The following FAT3 variants were observed in gnomAD, a reference collection of about 807,000 sequenced individuals.
The protein encoded by FAT3 is protocadherin Fat 3.
FAT3 carries 95 observed loss-of-function variants against 310.2 expected under a neutral mutation model. The ratio of observed to expected loss-of-function variants is 0.31; its 90% CI spans 0.26 to 0.36. The LOEUF (loss-of-function observed/expected upper bound fraction) is 0.36. Ranked by LOEUF, FAT3 falls within the 10% of genes least tolerant of loss-of-function variation. The pLI is 1.00. For synonymous variants in FAT3, 2,314 were observed against 2,192.9 expected (o/e 1.06, Z -1.54); for missense variants, 5,408 against 5,715.6 (o/e 0.95, Z 1.74).
chr11:92,646,784 A>G (rs1323963455), intron 3 of FAT3, among the ~76,000 whole-genome samples: 1 of 152,218 alleles, frequency 6.6e-6, no homozygotes, highest in Non-Finnish European at 1.5e-5. Context: ...ATGTGCACCC[A>G]GAGTTGTCAA....
chr11:92,379,264 ATATT>A (rs2134754028), intron 2 of FAT3, among the ~76,000 whole-genome samples: 1 of 152,298 alleles, frequency 6.6e-6, no homozygotes, highest in Admixed American at 6.5e-5. Flanking sequence ...AGATTCTTAT[ATATT>A]TATTTCACTT....
intron 3 of FAT3, among the ~76,000 whole-genome samples, chr11:92,565,771 A>C (rs1269485550): frequency 1.3e-5 from 2 of 152,172 alleles, no homozygotes; most frequent in Non-Finnish European, 2.9e-5. Context: ...ATATAAACAG[A>C]GCCAAAGACA....
At chr11:92,661,705 C>A (rs1015327291) in intron 3 of FAT3, among the ~76,000 whole-genome samples, 9 of 152,026 alleles carry the variant, frequency 5.9e-5, no homozygotes, top group Non-Finnish European at 1.2e-4. Flanking sequence ...GGAAAAAACT[C>A]ATTTCTCTTT....
At chr11:92,805,013 A>C in intron 10 of FAT3, 140 bp from the exon 11 acceptor site, 1 of 703,978 alleles carries the variant, frequency 1.4e-6, no homozygotes, top group Non-Finnish European at 2.1e-6. Context: ...AATCAAAGGG[A>C]GTCTCAGTAT....
intron 4 of FAT3, among the ~76,000 whole-genome samples, chr11:92,740,601 G>A (rs551527775): frequency 1.1e-4 from 17 of 152,286 alleles, no homozygotes; most frequent in African/African-American, 3.9e-4. Flanking sequence ...ATTCTTTTAG[G>A]AGAGTATTAT....
intron 4 of FAT3, among the ~76,000 whole-genome samples, chr11:92,706,023 G>T (rs1944334940): frequency 6.6e-6 from 1 of 151,472 alleles, no homozygotes; most frequent in Non-Finnish European, 1.5e-5. Context: ...TGACAGTTGT[G>T]ACTATAGTGG....
intron 1 of FAT3, among the ~76,000 whole-genome samples, chr11:92,230,484 G>C (rs1864129166): frequency 6.6e-6 from 1 of 151,992 alleles, no homozygotes; most frequent in Admixed American, 6.6e-5. Flanking sequence ...AGTAGACAGG[G>C]TGTTTCACCA....
intron 2 of FAT3, among the ~76,000 whole-genome samples, chr11:92,478,655 C>T (rs1293341563): frequency 6.6e-6 from 1 of 151,938 alleles, no homozygotes; most frequent in Admixed American, 6.6e-5. Flanking sequence ...CTCGCTCTGT[C>T]CCCGAGGCTA....
chr11:92,330,033 T>C (rs2134531242), intron 1 of FAT3, among the ~76,000 whole-genome samples: 1 of 152,202 alleles, frequency 6.6e-6, no homozygotes, highest in Admixed American at 6.5e-5. Flanking sequence ...AAGTGAAGGT[T>C]GCAACACTTA....
At chr11:92,889,415 A>T (rs1405946919) in intron 26 of FAT3, among the ~76,000 whole-genome samples, 167 bp downstream of exon 26, 1 of 144,972 alleles carries the variant, frequency 6.9e-6, no homozygotes, top group Non-Finnish European at 1.5e-5. Context: ...AAAAAAAAAA[A>T]CCCAGTTCAT....
At chr11:92,492,730 GC>G (rs1218825137) in intron 2 of FAT3, among the ~76,000 whole-genome samples, 4 of 152,002 alleles carry the variant, frequency 2.6e-5, no homozygotes, top group Non-Finnish European at 4.4e-5. Flanking sequence ...GCAACAGAAA[GC>G]CTGAGCTTTG....
In FAT3 at chr11:92,328,103, A is replaced by T. The variant is rs764859066; in HGVS notation, c.-17-23993A>T. 5.3e-5 allele frequency among the ~76,000 whole-genome samples: 8 copies of T among 151,952 alleles called. No homozygotes were observed. The South Asian group carries it at 8.3e-4, about 16-fold the overall frequency. ...CTGCTCATCCATTTAGGATTTGAGT[A>T]TCTCTCTCATTCCTTTTTCTTCTCA... On this transcript the variant is annotated intron_variant, in intron 1 of 27. Coordinates refer to ENST00000525166, the MANE Select transcript of FAT3 (RefSeq NM_001367949.2).
intron 1 of FAT3, among the ~76,000 whole-genome samples, chr11:92,335,463 A>G (rs1450718024): frequency 6.6e-6 from 1 of 152,184 alleles, no homozygotes; most frequent in Non-Finnish European, 1.5e-5. Context: ...TATGTAGTCA[A>G]TAGCTACTCC....
intron 22 of FAT3, among the ~76,000 whole-genome samples, chr11:92,874,642 T>C (rs7950095): frequency 0.84 from 127,246 of 152,192 alleles, 53,552 homozygotes; most frequent in African/African-American, 0.92. Context: ...TGGATTCAAG[T>C]GATTCTCCTG....
intron 3 of FAT3, among the ~76,000 whole-genome samples, chr11:92,651,296 T>C (rs893256780): frequency 9.2e-5 from 14 of 152,214 alleles, no homozygotes; most frequent in Non-Finnish European, 1.5e-4. Flanking sequence ...AACGTGGAAT[T>C]GTGAAGATGG....
At chr11:92,293,782 T>A (rs1329706487) in intron 1 of FAT3, among the ~76,000 whole-genome samples, 6 of 151,670 alleles carry the variant, frequency 4.0e-5, no homozygotes, top group Non-Finnish European at 8.8e-5. Flanking sequence ...ACATCACAGC[T>A]TTGCTTTCAT....
In FAT3 at chr11:92,354,251, T is replaced by C; in HGVS notation, c.2139T>C (p.Leu713=). 1.2e-6 allele frequency: 2 copies of C among 1,613,736 alleles called. No individual in the cohort carries two copies. The highest frequency in any genetic ancestry group is 1.7e-6 in the Non-Finnish European group (2 of 1,179,862). Reference sequence around the variant, plus strand: ...AACTGAATCTGGAAGATGGATTTCTTGACTTTTATTCAATTAATAGACAGG... The same window carrying C: ...AACTGAATCTGGAAGATGGATTTCTCGACTTTTATTCAATTAATAGACAGG... ...NGKLNLEDGF[L]DFYSINRQGP... is the part of the protein sequence containing the mutation. Residue 713 remains leucine, a synonymous_variant, in exon 2 of 28, where the codon CTT becomes CTC. Coordinates refer to ENST00000525166, the MANE Select transcript of FAT3 (RefSeq NM_001367949.2).
rs115969381 is a variant in FAT3, at chr11:92,774,069, A to T, written c.4224A>T (p.Ala1408=). The T allele has an allele frequency of 1.1e-3, 1,725 of 1,613,436 alleles. 15 individuals are homozygous for T. The African/African-American group carries it at 0.02, about 19-fold the overall frequency. ...GGAATTTTGACAGCGCTTTTGATGC[A>T]GAGAAGGGTGTTGGGACAATTGTCA... ...VGGNFDSAFD[A]EKGVGTIVIA... Residue 1408 remains alanine (A), a synonymous_variant, in exon 7 of 28, where the codon GCA becomes GCT. Coordinates refer to ENST00000525166, the MANE Select transcript of FAT3 (RefSeq NM_001367949.2).
intron 1 of FAT3, among the ~76,000 whole-genome samples, chr11:92,275,962 G>GTGTGATACATATAAAATATGTA (rs1259653366): frequency 2.0e-5 from 3 of 152,128 alleles, no homozygotes; most frequent in African/African-American, 7.2e-5. Context: ...ACGTTTATGT[G>GTGTGATACATATAAAATATGTA]TGTGATACAT....
Sources: allele counts gnomAD v4.1 joint callset (sites outside exome capture counted in the v4.1 genomes callset), GRCh38; gene constraint gnomAD v4.1.1; transcripts MANE v1.5; gene names NCBI Gene and HGNC (gene_info 2026-07-23, HGNC 2026-07-21).